Variants in TST observed in about 807,000 individuals in gnomAD.
TST encodes thiosulfate sulfurtransferase, also known as epididymis secretory sperm binding protein.
TST carries 22 observed loss-of-function variants against 20.4 expected under a neutral mutation model. The observed-to-expected ratio is 1.08, with a 90% CI of 0.77 to 1.54. TST has a LOEUF of 1.54. Ranked by LOEUF, TST falls within the 40% of genes most tolerant of loss-of-function variation. The probability of loss-of-function intolerance (pLI) is 0.00; values close to 1 mark genes in which losing one functional copy is unlikely to be tolerated. For synonymous variants in TST, 187 were observed against 173.8 expected, an observed-to-expected ratio of 1.08 and a Z score of -0.60; for missense variants, 392 against 405.2, an observed-to-expected ratio of 0.97 and a Z score of 0.28.
At chr22:37,019,624 G>T (rs1160982837), upstream of TST, 1 of 280,920 alleles carries the variant, frequency 3.6e-6, no homozygotes, top group Non-Finnish European at 6.6e-6. Context: ...GTCTGAGGGG[G>T]ACGCCGGGTG....
At chr22:37,018,825 C>G in intron 1 of TST, 72 bp from the exon 2 acceptor site, 2 of 1,111,470 alleles carry the variant, frequency 1.8e-6, no homozygotes, top group Non-Finnish European at 2.4e-6. Context: ...TAGGGTGAGG[C>G]CTGGGAGAAG....
upstream of TST, chr22:37,020,064 A>T: frequency 2.0e-3 from 416 of 207,640 alleles, no homozygotes; most frequent in Non-Finnish European, 2.8e-3. Flanking sequence ...GGTCGTGGCG[A>T]GTGGCGGGTG....
rs771591148 is a variant in TST at position 37,018,487 on chromosome 22, GGCGAAGCCAGCCTCGC to G, written c.230_245del (p.Ser77ThrfsTer54). The stretch of plus-strand genomic sequence containing the variant: ...TGATGCCCAGGCGGCCCACATACTC[GGCGAAGCCAGCCTCGC>G]TGGGCAGCATCATCTCGTAGGGCGA... On this transcript the variant is annotated frameshift_variant, in exon 2 of 3. Transcript: ENST00000249042. LOFTEE classifies it high-confidence loss of function. The G allele has an allele frequency of 5.0e-6, 8 of 1,609,274 alleles. No individual in the cohort carries two copies. Among genetic ancestry groups the G allele is most frequent in the Non-Finnish European group, 5.9e-6 (7 of 1,177,738 alleles).
upstream of TST, chr22:37,019,894 C>A: frequency 1.7e-6 from 2 of 1,190,138 alleles, no homozygotes; most frequent in Middle Eastern, 2.4e-4. Context: ...GGCGTGGCGG[C>A]TTGCCTTTCT....
intron 2 of TST, among the ~76,000 whole-genome samples, chr22:37,014,769 G>C (rs999825608): frequency 5.9e-5 from 9 of 152,170 alleles, no homozygotes; most frequent in African/African-American, 1.2e-4. Context: ...ATGACCTCTT[G>C]TACTCAACTA....
chr22:37,019,929 G>A, upstream of TST: 2 of 905,712 alleles, frequency 2.2e-6, no homozygotes, highest in Non-Finnish European at 2.9e-6. Context: ...TGGCTCTTTG[G>A]GGGTGCTCGG....
intron 2 of TST, chr22:37,013,378 GC>G (rs1475691088): frequency 6.6e-6 from 1 of 151,816 alleles, no homozygotes; most frequent in Non-Finnish European, 1.5e-5. Flanking sequence ...ACTTTGGGAG[GC>G]CCAGATGGAA....
At chr22:37,018,929 G>A (rs888207025) in intron 1 of TST, 176 bp from the exon 2 acceptor site, 13 of 491,982 alleles carry the variant, frequency 2.6e-5, no homozygotes, top group Non-Finnish European at 4.1e-5. Context: ...ATTCCCTCTG[G>A]AAAGCCGGCC....
chr22:37,012,501 G>T (rs939996259), intron 2 of TST, among the ~76,000 whole-genome samples: 41 of 152,326 alleles, frequency 2.7e-4, no homozygotes, highest in Non-Finnish European at 5.4e-4. Context: ...GGGCTCTATG[G>T]TTGGCCCCAC....
intron 2 of TST, among the ~76,000 whole-genome samples, chr22:37,012,630 G>A (rs2145895074): frequency 6.6e-6 from 1 of 152,358 alleles, no homozygotes; most frequent in Non-Finnish European, 1.5e-5. Flanking sequence ...GGCAGGAGCA[G>A]GGTGGCAGGA....
chr22:37,011,837 T>C (rs560247362), intron 2 of TST, among the ~76,000 whole-genome samples: 2 of 152,316 alleles, frequency 1.3e-5, no homozygotes, highest in Non-Finnish European at 2.9e-5. Context: ...ACCACATAAC[T>C]AATCAGATAT....
chr22:37,018,907 A>G (rs916958445), intron 1 of TST, 154 bp from the exon 2 acceptor site: 7 of 537,422 alleles, frequency 1.3e-5, no homozygotes, highest in African/African-American at 7.7e-5. Context: ...GTGCAGCGGG[A>G]TAAGTTTGCA....
intron 2 of TST, 74 bp from the exon 3 acceptor site, chr22:37,011,399 A>T: frequency 6.8e-7 from 1 of 1,467,632 alleles, no homozygotes; most frequent in Non-Finnish European, 9.3e-7. Context: ...GGATTCCATC[A>T]GCTATAGCTG....
intron 1 of TST, chr22:37,019,073 A>G (rs1922844249): frequency 4.1e-6 from 1 of 241,030 alleles, no homozygotes; most frequent in Admixed American, 5.2e-5. Context: ...CCCGCCAGGA[A>G]AGAGCAATGA....
At chr22:37,012,088 C>A (rs1020190340) in intron 2 of TST, among the ~76,000 whole-genome samples, 7 of 152,220 alleles carry the variant, frequency 4.6e-5, no homozygotes, top group Admixed American at 1.3e-4. Flanking sequence ...ATGAGAGTAT[C>A]CACTGTGTAT....
rs1424985283 is a variant in TST at position 37,014,689 on chromosome 22, C to T, written c.596-3364G>A. 3.3e-5 allele frequency among the ~76,000 whole-genome samples: 5 copies of T among 152,204 alleles called. No homozygotes were observed. The South Asian group carries it at 1.0e-3, about 32-fold the overall frequency. On this transcript the variant is annotated intron_variant, in intron 2 of 2. Coordinates refer to ENST00000249042, the MANE Select transcript of TST (RefSeq NM_003312.6). Reference sequence around the variant, plus strand: ...AAAGGTAAGTCTGATTGGTCTGCCCCCAACGCCTGTGTTCTTTGACCACCC... The same window carrying T: ...AAAGGTAAGTCTGATTGGTCTGCCCTCAACGCCTGTGTTCTTTGACCACCC...
At position 37,011,018 on chromosome 22, in the gene TST, G is replaced by A. The variant is rs1225741397; in HGVS notation, c.*9C>T. On this transcript the variant is annotated 3_prime_UTR_variant, in exon 3 of 3. Coordinates refer to ENST00000249042, the MANE Select transcript of TST (RefSeq NM_003312.6). ...GGCCGCAGTTACAGTAAGCAGAAGA[G>A]GTCACGGCTCAGGCCTTCTCAGACT... is the stretch of plus-strand genomic sequence containing the variant. 1.2e-6 allele frequency: 2 copies of A among 1,603,288 alleles called. No individual in the cohort carries two copies. Among genetic ancestry groups the A allele is most frequent in the East Asian group, 2.2e-5 (1 of 44,684 alleles).
chr22:37,013,964 T>C (rs1922576223), intron 2 of TST, among the ~76,000 whole-genome samples: 1 of 152,142 alleles, frequency 6.6e-6, no homozygotes, highest in South Asian at 2.1e-4. Context: ...CCTCCCACAC[T>C]GGGCCAGCTG....
At chr22:37,014,904 C>A (rs993293343) in intron 2 of TST, among the ~76,000 whole-genome samples, 2 of 152,176 alleles carry the variant, frequency 1.3e-5, no homozygotes, top group African/African-American at 4.8e-5. Flanking sequence ...ACCCCTTAAC[C>A]CTAGCCAGGA....
Sources: gnomAD v4.1 joint callset for allele counts (sites outside exome capture counted in the v4.1 genomes callset) on GRCh38, gnomAD v4.1.1 for gene constraint, MANE v1.5 for transcripts, NCBI Gene and HGNC (gene_info 2026-07-23, HGNC 2026-07-21) for gene names.